The following PTPRD variants were observed in gnomAD, a reference collection of about 807,000 sequenced individuals.
PTPRD encodes receptor-type tyrosine-protein phosphatase delta.
A neutral mutation model predicts 214.5 loss-of-function variants in PTPRD; 34 were observed. That is an observed-to-expected ratio of 0.16 (90% CI 0.12 to 0.21). The LOEUF is 0.21. Among genes scored for constraint, PTPRD ranks in the 10% least tolerant of loss-of-function variants. The pLI is 1.00. For synonymous variants in PTPRD, 1,128 were observed against 845.7 expected (o/e 1.33, Z -5.79); for missense variants, 2,545 against 2,398.7 (o/e 1.06, Z -1.27).
intron 5 of PTPRD, among the ~76,000 whole-genome samples, chr9:9,786,939 C>G (rs188394570): frequency 6.6e-6 from 1 of 151,882 alleles, no homozygotes; most frequent in African/African-American, 2.4e-5. Flanking sequence ...GTTTTGAGAC[C>G]AGCCTGGCCA....
intron 8 of PTPRD, among the ~76,000 whole-genome samples, chr9:9,572,997 T>C (rs2154302480): frequency 6.6e-6 from 1 of 151,690 alleles, no homozygotes; most frequent in South Asian, 2.1e-4. Context: ...CATGAGCATA[T>C]CCTATGTACA....
chr9:9,071,545 C>T (rs1031080760), intron 10 of PTPRD, among the ~76,000 whole-genome samples: 2 of 152,118 alleles, frequency 1.3e-5, no homozygotes, highest in African/African-American at 4.8e-5. Context: ...CCCCTGGGAA[C>T]TATGGATGGC....
chr9:9,162,209 T>G (rs529298831), intron 10 of PTPRD, among the ~76,000 whole-genome samples: 98 of 152,264 alleles, frequency 6.4e-4, no homozygotes, highest in Middle Eastern at 6.8e-3. Flanking sequence ...TGCTACAAAA[T>G]GTCGCAAAAA....
intron 3 of PTPRD, among the ~76,000 whole-genome samples, chr9:10,081,228 C>T (rs2098231505): frequency 1.3e-5 from 2 of 152,020 alleles, no homozygotes; most frequent in African/African-American, 4.8e-5. Flanking sequence ...CAAAATAATA[C>T]TACTGTAATA....
intron 10 of PTPRD, among the ~76,000 whole-genome samples, chr9:9,104,446 C>A (rs1439961689): frequency 1.3e-5 from 2 of 152,122 alleles, no homozygotes; most frequent in African/African-American, 4.8e-5. Flanking sequence ...ATAATTAAGT[C>A]TTGGCTAACA....
chr9:10,394,216 ATATTTC>A (rs1289519284), intron 2 of PTPRD, among the ~76,000 whole-genome samples: 4 of 146,642 alleles, frequency 2.7e-5, no homozygotes, highest in African/African-American at 9.9e-5. Context: ...TATATAATAT[ATATTTC>A]TATTTCTATT....
intron 3 of PTPRD, among the ~76,000 whole-genome samples, chr9:10,244,782 G>C (rs1371811770): frequency 6.6e-6 from 1 of 152,098 alleles, no homozygotes; most frequent in Non-Finnish European, 1.5e-5. Flanking sequence ...TAATGGAACA[G>C]TGATTTTAGA....
At chr9:9,952,092 G>A (rs1165917176) in intron 4 of PTPRD, among the ~76,000 whole-genome samples, 3 of 152,156 alleles carry the variant, frequency 2.0e-5, no homozygotes, top group Admixed American at 1.3e-4. Context: ...AATTAGAATG[G>A]ATTTACCAGA....
chr9:9,636,204 T>C (rs989065444), intron 7 of PTPRD, among the ~76,000 whole-genome samples: 4 of 152,176 alleles, frequency 2.6e-5, no homozygotes, highest in African/African-American at 7.2e-5. Flanking sequence ...TTAACTTTCA[T>C]TTCTCCTTAA....
At chr9:9,232,303 T>C (rs2099963608) in intron 9 of PTPRD, among the ~76,000 whole-genome samples, 1 of 152,184 alleles carries the variant, frequency 6.6e-6, no homozygotes. Flanking sequence ...TATTACATGC[T>C]GTGAGAACTA....
At chr9:9,931,333 G>C (rs898713932) in intron 5 of PTPRD, among the ~76,000 whole-genome samples, 1 of 152,202 alleles carries the variant, frequency 6.6e-6, no homozygotes, top group African/African-American at 2.4e-5. Flanking sequence ...TCTCACTAGG[G>C]AGTGCCAGAC....
chr9:10,018,538 C>CT (rs71321214), intron 4 of PTPRD, among the ~76,000 whole-genome samples: 3,705 of 70,584 alleles, frequency 0.052, 1,217 homozygotes, highest in Non-Finnish European at 0.079. Flanking sequence ...AATTACATTT[C>CT]TTTTTTTTTT....
intron 11 of PTPRD, among the ~76,000 whole-genome samples, chr9:8,856,214 C>CA (rs5896268): frequency 0.98 from 149,729 of 152,300 alleles, 73,656 homozygotes; most frequent in Middle Eastern, 1. Context: ...AAGTTATTAT[C>CA]TCTACAGATC....
At chr9:10,133,338 T>C (rs2098916035) in intron 3 of PTPRD, among the ~76,000 whole-genome samples, 1 of 152,138 alleles carries the variant, frequency 6.6e-6, no homozygotes, top group Non-Finnish European at 1.5e-5. Context: ...ACACCAAATA[T>C]GGACTAGATT....
intron 5 of PTPRD, among the ~76,000 whole-genome samples, chr9:9,832,443 T>C (rs1263035525): frequency 2.0e-5 from 3 of 152,020 alleles, no homozygotes; most frequent in Non-Finnish European, 4.4e-5. Context: ...GTAACAGTCA[T>C]AGTCATTTAC....
chr9:8,377,200 G>C (rs546517740), intron 37 of PTPRD, among the ~76,000 whole-genome samples: 3 of 151,972 alleles, frequency 2.0e-5, no homozygotes, highest in Non-Finnish European at 2.9e-5. Flanking sequence ...ATCTATCAAA[G>C]TATAATAAAC....
intron 10 of PTPRD, among the ~76,000 whole-genome samples, chr9:9,102,718 G>A (rs1402628106): frequency 6.6e-6 from 1 of 152,158 alleles, no homozygotes; most frequent in African/African-American, 2.4e-5. Flanking sequence ...ATTCACGGAG[G>A]TTACTGTTAT....
intron 2 of PTPRD, among the ~76,000 whole-genome samples, chr9:10,564,233 T>C (rs80269981): frequency 7.2e-6 from 1 of 138,040 alleles, no homozygotes; most frequent in Non-Finnish European, 1.5e-5. Flanking sequence ...TAGGCTTGTC[T>C]GGAATTCCTG....
At chr9:8,424,939 G>A (rs971993875) in intron 35 of PTPRD, among the ~76,000 whole-genome samples, 2 of 152,160 alleles carry the variant, frequency 1.3e-5, no homozygotes, top group Non-Finnish European at 2.9e-5. Context: ...ACGATGGAAA[G>A]ACTAATGTTT....
Sources: gnomAD v4.1 joint callset for allele counts (sites outside exome capture counted in the v4.1 genomes callset) on GRCh38, gnomAD v4.1.1 for gene constraint, MANE v1.5 for transcripts, NCBI Gene and HGNC (gene_info 2026-07-23, HGNC 2026-07-21) for gene names.